Variants in SUSD1 observed in about 807,000 individuals in gnomAD.
SUSD1 encodes sushi domain containing 1.
In SUSD1, 65 loss-of-function variants were observed where a neutral mutation model predicts 86.9. The ratio of observed to expected loss-of-function variants is 0.75; its 90% CI spans 0.61 to 0.92. The LOEUF (loss-of-function observed/expected upper bound fraction) is 0.92. Ranked by LOEUF, SUSD1 falls within the 40% of genes least tolerant of loss-of-function variation. SUSD1 has a pLI of 0.00. For synonymous variants in SUSD1, 346 were observed against 350.0 expected (o/e 0.99, Z 0.13); for missense variants, 850 against 929.7 (o/e 0.91, Z 1.11).
intron 4 of SUSD1, 59 bp from the exon 5 acceptor site, chr9:112,142,558 A>T: frequency 6.5e-7 from 1 of 1,544,058 alleles, no homozygotes; most frequent in Non-Finnish European, 8.9e-7. Context: ...CAAAATTCAC[A>T]ATCTCTCTCC....
chr9:112,138,807 T>C (rs1832432865), intron 5 of SUSD1, among the ~76,000 whole-genome samples: 1 of 152,186 alleles, frequency 6.6e-6, no homozygotes, highest in South Asian at 2.1e-4. Context: ...GGATACATAA[T>C]ATTCCATTTT....
At chr9:112,129,279 A>G (rs1831914818) in intron 5 of SUSD1, among the ~76,000 whole-genome samples, 1 of 152,190 alleles carries the variant, frequency 6.6e-6, no homozygotes, top group Non-Finnish European at 1.5e-5. Flanking sequence ...TATACGAAGT[A>G]TAGAGTATTA....
chr9:112,098,499 A>G lies in SUSD1; in HGVS notation c.1445T>C (p.Val482Ala), dbSNP rs753914382. The G allele has an allele frequency of 3.7e-6, 6 of 1,614,154 alleles. No homozygotes were observed. The highest frequency in any genetic ancestry group is 5.1e-6 in the Non-Finnish European group (6 of 1,180,000). Residue 482 changes from valine to alanine, a missense_variant, in exon 10 of 17, where the codon GTG becomes GCG. Transcript: ENST00000374270. ...TLLRSPKRHS[V>A]QITIATPPAV... Reference sequence around the variant, plus strand: ...TGGGGGAGTTGCTATTGTTATTTGCACTGAGTGCCGCTTAGGAGATCTCAG... The same window carrying G: ...TGGGGGAGTTGCTATTGTTATTTGCGCTGAGTGCCGCTTAGGAGATCTCAG...
chr9:112,096,585 G>C (rs994116120), intron 10 of SUSD1, among the ~76,000 whole-genome samples: 1 of 152,128 alleles, frequency 6.6e-6, no homozygotes, highest in Non-Finnish European at 1.5e-5. Flanking sequence ...TATTGCCCAG[G>C]CTGAAGTGCA....
intron 2 of SUSD1, among the ~76,000 whole-genome samples, chr9:112,155,902 AAAAG>A (rs960466541): frequency 6.6e-5 from 10 of 151,402 alleles, no homozygotes; most frequent in African/African-American, 2.4e-4. Flanking sequence ...GGAGAAGGAG[AAAAG>A]AAAGAAGAGG....
intron 12 of SUSD1, among the ~76,000 whole-genome samples, chr9:112,068,300 T>C (rs1305924839): frequency 1.3e-5 from 2 of 151,796 alleles, no homozygotes; most frequent in Non-Finnish European, 2.9e-5. Context: ...CTACATGGAG[T>C]TCCTGGCTGA....
chr9:112,150,498 G>A (rs912636317), intron 2 of SUSD1, among the ~76,000 whole-genome samples: 1 of 152,074 alleles, frequency 6.6e-6, no homozygotes, highest in Admixed American at 6.6e-5. Context: ...AGAAGATCTG[G>A]GTGGGTTTTT....
chr9:112,124,909 GT>G (rs1831705220), intron 5 of SUSD1, among the ~76,000 whole-genome samples: 1 of 152,126 alleles, frequency 6.6e-6, no homozygotes. Flanking sequence ...AAAAAAATCA[GT>G]TGCATAGGAG....
At chr9:112,067,248 T>A (rs993322839) in intron 12 of SUSD1, among the ~76,000 whole-genome samples, 14 of 152,340 alleles carry the variant, frequency 9.2e-5, no homozygotes, top group African/African-American at 3.4e-4. Flanking sequence ...AATAGTACAA[T>A]GTCCATCCTC....
chr9:112,119,858 G>A (rs137940600), intron 6 of SUSD1, among the ~76,000 whole-genome samples: 19 of 152,256 alleles, frequency 1.2e-4, no homozygotes, highest in African/African-American at 4.3e-4. Context: ...AAGCACATAC[G>A]ATTTGTGCTA....
At chr9:112,074,076 C>T (rs1415579793) in intron 12 of SUSD1, among the ~76,000 whole-genome samples, 7 of 151,852 alleles carry the variant, frequency 4.6e-5, no homozygotes, top group African/African-American at 7.3e-5. Flanking sequence ...ATTAGCCAAG[C>T]GTGGTGGCAC....
intron 5 of SUSD1, among the ~76,000 whole-genome samples, chr9:112,130,360 G>A (rs888951949): frequency 2.1e-5 from 3 of 145,504 alleles, no homozygotes; most frequent in African/African-American, 5.0e-5. Context: ...GCAATAGAGC[G>A]AGACTCCATC....
At chr9:112,159,812 A>G (rs1833489186) in intron 1 of SUSD1, among the ~76,000 whole-genome samples, 1 of 152,114 alleles carries the variant, frequency 6.6e-6, no homozygotes, top group Non-Finnish European at 1.5e-5. Flanking sequence ...CTTTTTTCAA[A>G]TTTGTTGCAT....
At chr9:112,125,495 T>C (rs1831735264) in intron 5 of SUSD1, among the ~76,000 whole-genome samples, 2 of 151,346 alleles carry the variant, frequency 1.3e-5, no homozygotes, top group Admixed American at 6.6e-5. Context: ...ATGGCTCTAA[T>C]AATTTCAAGT....
At chr9:112,076,737 G>A (rs1175053070) in intron 12 of SUSD1, among the ~76,000 whole-genome samples, 2 of 152,128 alleles carry the variant, frequency 1.3e-5, no homozygotes, top group Admixed American at 1.3e-4. Context: ...AAGAAAAGGA[G>A]GCTGAAGAGG....
chr9:112,080,214 T>C, intron 10 of SUSD1, 49 bp from the exon 11 acceptor site: 1 of 1,379,692 alleles, frequency 7.2e-7, no homozygotes, highest in Non-Finnish European at 1.0e-6. Flanking sequence ...ATAGAAAAAA[T>C]GCTACCTTTT....
At chr9:112,051,374 G>T (rs2118891138) in intron 15 of SUSD1, among the ~76,000 whole-genome samples, 1 of 140,764 alleles carries the variant, frequency 7.1e-6, no homozygotes, top group Admixed American at 7.1e-5. Flanking sequence ...GCATAGGATA[G>T]TTCCATTTTG....
intron 2 of SUSD1, 36 bp from the exon 3 acceptor site, chr9:112,149,435 C>A: frequency 6.2e-7 from 1 of 1,605,310 alleles, no homozygotes; most frequent in South Asian, 1.1e-5. Flanking sequence ...GAAGAGCTAT[C>A]AATCCACACC....
intron 15 of SUSD1, among the ~76,000 whole-genome samples, chr9:112,044,886 C>T (rs1442640058): frequency 6.6e-6 from 1 of 152,120 alleles, no homozygotes; most frequent in Admixed American, 6.5e-5. Context: ...GATAAAATAT[C>T]TAGAATAATG....
Sources: allele counts gnomAD v4.1 joint callset (sites outside exome capture counted in the v4.1 genomes callset), GRCh38; gene constraint gnomAD v4.1.1; transcripts MANE v1.5; gene names NCBI Gene and HGNC (gene_info 2026-07-23, HGNC 2026-07-21).